TYRP1: variants seen among roughly 807,000 people sequenced by gnomAD.
TYRP1 encodes the protein 5,6-dihydroxyindole-2-carboxylic acid oxidase.
TYRP1 carries 49 observed loss-of-function variants against 42.8 expected under a neutral mutation model. That is an observed-to-expected ratio of 1.14 (90% CI 0.91 to 1.45). The LOEUF is 1.45. Among genes scored for constraint, TYRP1 ranks in the 40% most tolerant of loss-of-function variants. The pLI, the probability that TYRP1 is intolerant of heterozygous loss-of-function variation, is 0.00. For missense variants in TYRP1, 848 were observed against 662.0 expected (o/e 1.28, Z -3.08); for synonymous variants, 279 against 235.4 (o/e 1.19, Z -1.69).
rs946565184 is a variant in TYRP1, at chr9:12,709,878, T to C, written c.*696T>C. 1.4e-4 allele frequency: 21 copies of C among 152,682 alleles called. No individual in the cohort carries two copies. The highest frequency in any genetic ancestry group is 4.8e-4 in the African/African-American group (20 of 41,394). 9.5% of individuals were successfully genotyped at this position (152,682 alleles called of 1,614,324 possible). On this transcript the variant is annotated 3_prime_UTR_variant, in exon 8 of 8. Coordinates refer to ENST00000388918, the MANE Select transcript of TYRP1 (RefSeq NM_000550.3). ...GTGTTTGCCACTGTGTTTCCCTGCC[T>C]CTCAATTCGCTGAAAAAGGAACTAC...
intron 6 of TYRP1, among the ~76,000 whole-genome samples, chr9:12,705,858 G>A (rs1818249921): frequency 6.6e-6 from 1 of 151,844 alleles, no homozygotes; most frequent in Admixed American, 6.6e-5. Flanking sequence ...AATCAGTTAT[G>A]AATTCAGTTA....
chr9:12,702,111 A>AT (rs1339495256), intron 4 of TYRP1, among the ~76,000 whole-genome samples, 160 bp from the exon 5 acceptor site: 2 of 151,800 alleles, frequency 1.3e-5, no homozygotes, highest in African/African-American at 4.8e-5. Context: ...GGTAACTTAG[A>AT]TTTTCTCATT....
At position 12,709,182 on chromosome 9, in the gene TYRP1, A is replaced by T. The variant is rs777968853; in HGVS notation, c.1614A>T (p.Ter538TyrextTer9). Residue 538 changes from the stop codon to tyrosine (Y), a stop_lost, in exon 8 of 8, where the codon TAA becomes TAT. Transcript: ENST00000388918. ...KLQNPNQSVV* is the reference protein window; with the variant it reads ...KLQNPNQSVVY ...AGAATCCTAATCAGTCTGTGGTCTA[A>T]CAAATGCCCTACTCTCTTATGCATT... The T allele has an allele frequency of 1.9e-6, 3 of 1,612,212 alleles. No homozygotes were observed. The South Asian group carries it at 3.3e-5, about 18-fold the overall frequency.
At chr9:12,697,260 C>T (rs78553351) in intron 3 of TYRP1, among the ~76,000 whole-genome samples, 1 of 152,268 alleles carries the variant, frequency 6.6e-6, no homozygotes, top group African/African-American at 2.4e-5. Flanking sequence ...CTATGACTTA[C>T]ATTTTAAAGA....
chr9:12,704,448 A>G (rs1818224729), intron 5 of TYRP1, 78 bp from the exon 6 acceptor site: 2 of 1,516,434 alleles, frequency 1.3e-6, no homozygotes, highest in Admixed American at 3.6e-5. Flanking sequence ...ATTGTTTCCC[A>G]ATATAATCAT....
At chr9:12,699,686 A>T (rs1415190220) in intron 4 of TYRP1, among the ~76,000 whole-genome samples, 2 of 152,066 alleles carry the variant, frequency 1.3e-5, no homozygotes, top group Admixed American at 1.3e-4. Flanking sequence ...ACTTAGAATA[A>T]ATTTGTATTT....
Position 12,702,282 on chromosome 9 carries a change from G to C in TYRP1, c.925G>C (p.Gly309Arg), listed in dbSNP as rs139946740. The C allele has an allele frequency of 1.2e-6, 2 of 1,612,962 alleles. No homozygotes were observed. Among genetic ancestry groups the C allele is most frequent in the African/African-American group, 2.7e-5 (2 of 74,940 alleles). The change falls in exon 5 of 8, where the codon GGG becomes CGG. Residue 309 changes from glycine to arginine, a missense_variant. Coordinates refer to ENST00000388918, the MANE Select transcript of TYRP1 (RefSeq NM_000550.3). ...ATTTTTTTCTGCAGGCACCGAGGAT[G>C]GGCCAATTAGGAGAAATCCAGCTGG... ...LGTLCNSTED[G>R]PIRRNPAGNV...
chr9:12,697,940 C>T (rs975497608), intron 3 of TYRP1, among the ~76,000 whole-genome samples: 4 of 152,068 alleles, frequency 2.6e-5, no homozygotes, highest in Non-Finnish European at 5.9e-5. Context: ...TGTTGCCAAA[C>T]CAGAATCTAA....
chr9:12,708,372 A>G (rs1219911590), intron 7 of TYRP1, among the ~76,000 whole-genome samples: 2 of 151,992 alleles, frequency 1.3e-5, no homozygotes, highest in Non-Finnish European at 2.9e-5. Flanking sequence ...AATCCTCACA[A>G]TGCTTTGGGG....
Position 12,694,169 on chromosome 9 carries a change from C to G in TYRP1, c.173C>G (p.Ser58Ter). ...GGGCCTGGGACAGACCGCTGTGGCT[C>G]ATCATCAGGGAGGGGCAGATGTGAG... ...VSGPGTDRCG[S>*]SSGRGRCEAV... Residue 58 changes from serine (S) to a stop codon, truncating the protein, a stop_gained, in exon 2 of 8, where the codon TCA becomes TGA. Transcript: ENST00000388918. LOFTEE classifies it high-confidence loss of function. 1 of 1,614,016 alleles carries G rather than the reference C, an allele frequency of 6.2e-7. No individual in the cohort carries two copies. The highest frequency in any genetic ancestry group is 8.5e-7 in the Non-Finnish European group (1 of 1,180,000).
chr9:12,695,946 G>C, intron 3 of TYRP1, 109 bp downstream of exon 3: 1 of 1,186,730 alleles, frequency 8.4e-7, no homozygotes, highest in South Asian at 1.3e-5. Flanking sequence ...TGATGAAAAA[G>C]CAATTTTATG....
In TYRP1 at chr9:12,709,991, C is replaced by T. The variant is rs1037307206; in HGVS notation, c.*809C>T. ...TATGGAGAACATGTTTTATACTGCT[C>T]TATAAATAGTATTCCAATCACTGTG... On this transcript the variant is annotated 3_prime_UTR_variant, in exon 8 of 8. Transcript: ENST00000388918. 6.6e-6 allele frequency: 1 copy of T among 151,794 alleles called. No individual in the cohort carries two copies. Among genetic ancestry groups the T allele is most frequent in the Non-Finnish European group, 1.5e-5 (1 of 67,834 alleles). 9.4% of individuals were successfully genotyped at this position (151,794 alleles called of 1,614,324 possible). A position where few individuals can be genotyped will look rare whatever the true frequency, so the allele number is the denominator to read the frequency against.
At position 12,695,555 on chromosome 9, in the gene TYRP1, C is replaced by T. The variant is rs937119709; in HGVS notation, c.426C>T (p.Asn142=). The change falls in exon 3 of 8, where the codon AAC becomes AAT. Residue 142 remains asparagine (N), a synonymous_variant. Coordinates refer to ENST00000388918, the MANE Select transcript of TYRP1 (RefSeq NM_000550.3). ...NLLDLSKEEK[N]HFVRALDMAK... Reference sequence around the variant, plus strand: ...TGGACTTAAGTAAAGAAGAAAAGAACCACTTTGTCCGGGCCCTGGATATGG... The same window carrying T: ...TGGACTTAAGTAAAGAAGAAAAGAATCACTTTGTCCGGGCCCTGGATATGG... 1 of 1,614,116 alleles carries T rather than the reference C, an allele frequency of 6.2e-7. No homozygotes were observed. The highest frequency in any genetic ancestry group is 8.5e-7 in the Non-Finnish European group (1 of 1,180,014).
At chr9:12,698,323 T>G in intron 3 of TYRP1, 128 bp from the exon 4 acceptor site, 1 of 910,196 alleles carries the variant, frequency 1.1e-6, no homozygotes, top group South Asian at 1.4e-5. Context: ...CAGACACCGT[T>G]GATATACTAA....
intron 3 of TYRP1, among the ~76,000 whole-genome samples, chr9:12,696,776 A>T (rs1270915829): frequency 6.6e-6 from 1 of 152,182 alleles, no homozygotes; most frequent in East Asian, 1.9e-4. Flanking sequence ...AAGTTGTTAG[A>T]TCTCAACTAG....
At chr9:12,706,358 C>T (rs1818257940) in intron 6 of TYRP1, among the ~76,000 whole-genome samples, 1 of 151,966 alleles carries the variant, frequency 6.6e-6, no homozygotes. Context: ...AAAGATATTC[C>T]TTCACCTTGT....
intron 3 of TYRP1, 131 bp downstream of exon 3, chr9:12,695,968 T>C: frequency 1.1e-6 from 1 of 914,602 alleles, no homozygotes; most frequent in Non-Finnish European, 1.6e-6. Flanking sequence ...TACTAACCTG[T>C]CTTTGGCATT....
intron 4 of TYRP1, among the ~76,000 whole-genome samples, chr9:12,699,287 G>T (rs1264232239): frequency 6.6e-6 from 1 of 151,996 alleles, no homozygotes; most frequent in African/African-American, 2.4e-5. Flanking sequence ...CACAGGTCAA[G>T]TTTCTGCCAC....
At position 12,694,158 on chromosome 9, in the gene TYRP1, C is replaced by T. The variant is rs763447844; in HGVS notation, c.162C>T (p.Asp54=). ...CCCCTGTGTCTGGGCCTGGGACAGA[C>T]CGCTGTGGCTCATCATCAGGGAGGG... is the stretch of plus-strand genomic sequence containing the variant. ...DLSPVSGPGT[D]RCGSSSGRGR... is the part of the protein sequence containing the mutation. The change falls in exon 2 of 8, where the codon GAC becomes GAT. Residue 54 remains aspartate (D), a synonymous_variant. Coordinates refer to ENST00000388918, the MANE Select transcript of TYRP1 (RefSeq NM_000550.3). The T allele has an allele frequency of 6.2e-6, 10 of 1,613,916 alleles. No individual in the cohort carries two copies. In the South Asian group the frequency reaches 1.1e-4, roughly 18 times the overall value.
Sources: gnomAD v4.1 joint callset for allele counts (sites outside exome capture counted in the v4.1 genomes callset) on GRCh38, gnomAD v4.1.1 for gene constraint, MANE v1.5 for transcripts, NCBI Gene and HGNC (gene_info 2026-07-23, HGNC 2026-07-21) for gene names.